PKD1L1: variants seen among roughly 807,000 people sequenced by gnomAD.
The protein encoded by PKD1L1 is polycystin 1 like 1, transient receptor potential channel interacting, also known as polycystin-1-like protein 1.
A neutral mutation model predicts 323.4 loss-of-function variants in PKD1L1; 236 were observed. That is an observed-to-expected ratio of 0.73 (90% confidence interval 0.66 to 0.81). The LOEUF (loss-of-function observed/expected upper bound fraction) is 0.81. PKD1L1 is among the 40% of genes least tolerant of loss of function. The probability of loss-of-function intolerance (pLI) is 0.00; values close to 1 mark genes in which losing one functional copy is unlikely to be tolerated. For synonymous variants in PKD1L1, 1,344 were observed against 1,335.0 expected, an observed-to-expected ratio of 1.01 and a Z score of -0.15; for missense variants, 3,320 against 3,508.0, an observed-to-expected ratio of 0.95 and a Z score of 1.35.
At position 47,813,829 on chromosome 7, in the gene PKD1L1, C is replaced by A. The variant is rs546246062; in HGVS notation, c.7173+102G>T. 4.4e-4 allele frequency: 443 copies of A among 1,000,822 alleles called. 4 individuals carry two copies. The highest frequency in any genetic ancestry group is 4.2e-3 in the South Asian group (302 of 71,260). The allele number at this position is 1,000,822 out of a possible 1,614,324, so 62.0% of individuals were successfully genotyped here. ...TGACAATTCCAATTACCACTGAACT[C>A]ACAGAGAAGTTCAAATGATCTGCCA... On this transcript the variant is annotated intron_variant, in intron 48 of 56. Coordinates refer to ENST00000289672, the MANE Select transcript of PKD1L1 (RefSeq NM_138295.5).
Position 47,873,920 on chromosome 7 carries a change from T to A in PKD1L1, c.3875A>T (p.Asn1292Ile), listed in dbSNP as rs1371723770. The change falls in exon 24 of 57, where the codon AAT becomes ATT. Residue 1292 changes from asparagine to isoleucine, a missense_variant. Transcript: ENST00000289672. ...TCACAGGTCCTCGCCCAGACAGTCA[T>A]TTCCATGGTAGCGGGGCAGCACAGT... ...VVTVLPRYHG[N>I]DCLGEDLYNS... 6.2e-7 allele frequency: 1 copy of A among 1,613,716 alleles called. No homozygotes were observed. Among genetic ancestry groups the A allele is most frequent in the African/African-American group, 1.3e-5 (1 of 74,890 alleles).
the PKD1L1 span, among the ~76,000 whole-genome samples, chr7:47,954,936 C>T: frequency 6.6e-6 from 1 of 152,224 alleles, no homozygotes; most frequent in Non-Finnish European, 1.5e-5. Context: ...TTTGGTGCTA[C>T]AGGCGAATAG....
At chr7:47,789,331 AT>A (rs1238088084) in intron 56 of PKD1L1, among the ~76,000 whole-genome samples, 4 of 152,200 alleles carry the variant, frequency 2.6e-5, no homozygotes, top group Non-Finnish European at 1.5e-5. Flanking sequence ...TCCTTCCAAA[AT>A]TTTATAATTT....
rs2123611 is a variant in PKD1L1 at position 47,858,963 on chromosome 7, C to T, written c.4150-78G>A. The T allele has an allele frequency of 0.54, 819,616 of 1,518,410 alleles. 224,907 individuals are homozygous for T. The highest frequency in any genetic ancestry group is 0.56 in the African/African-American group (41,007 of 72,762). The allele number at this position is 1,518,410 out of a possible 1,614,324, so 94.1% of individuals were successfully genotyped here. On this transcript the variant is annotated intron_variant, in intron 26 of 56. Coordinates refer to ENST00000289672, the MANE Select transcript of PKD1L1 (RefSeq NM_138295.5). The stretch of plus-strand genomic sequence containing the variant: ...CCCGGGTGTATTTGAGGATGAGAAC[C>T]GCACTCATAAAGCTTAGCTGCATGA...
At position 47,847,052 on chromosome 7, in the gene PKD1L1, T is replaced by C; in HGVS notation, c.4980A>G (p.Leu1660=). Residue 1660 remains leucine (L), a synonymous_variant, in exon 32 of 57, where the codon TTA becomes TTG. Coordinates refer to ENST00000289672, the MANE Select transcript of PKD1L1 (RefSeq NM_138295.5). The part of the protein sequence containing the change: ...ASQKDASVGY[L]SLLDADYDRK... The stretch of plus-strand genomic sequence containing the variant: ...TGTCATAGTCAGCATCCAATAAGGA[T>C]AAATAGCCTACACTGGCATCTAAAA... 6.3e-7 allele frequency: 1 copy of C among 1,594,962 alleles called. No homozygotes were observed.
In PKD1L1 at chr7:47,840,472, GGT is replaced by G; in HGVS notation, c.5539_5540del (p.Thr1847LeufsTer58). The part of the protein sequence containing the change: ...KPLFERNSRH[T>X]FILSAPAQLG... ...ATATTTTGGAATACCTCAGGATAAA[GGT>G]GTGTCTGGAATTCCTTTCAAACAGG... On this transcript the variant is annotated frameshift_variant, in exon 35 of 57. Coordinates refer to ENST00000289672, the MANE Select transcript of PKD1L1 (RefSeq NM_138295.5). LOFTEE classifies it high-confidence loss of function. This position sits in a 1 kb window ranked among gnomAD's most constrained non-coding sequence, Gnocchi z 4.1. The G allele has an allele frequency of 5.6e-6, 9 of 1,613,014 alleles. No homozygotes were observed. Among genetic ancestry groups the G allele is most frequent in the Non-Finnish European group, 7.6e-6 (9 of 1,179,028 alleles).
intron 7 of PKD1L1, among the ~76,000 whole-genome samples, chr7:47,919,039 T>C (rs1054006397): frequency 1.3e-5 from 2 of 151,744 alleles, no homozygotes; most frequent in Admixed American, 6.6e-5. Flanking sequence ...CTAAATGAAA[T>C]TGAAACAAAC....
At chr7:47,793,974 G>A (rs1335726599) in intron 55 of PKD1L1, among the ~76,000 whole-genome samples, 1 of 152,320 alleles carries the variant, frequency 6.6e-6, no homozygotes, top group South Asian at 2.1e-4. Context: ...ACTTGAGAGA[G>A]ATGATTTTTA....
At chr7:47,783,786 CAAGAGAATAA>C (rs1786748357) in intron 56 of PKD1L1, among the ~76,000 whole-genome samples, 1 of 152,174 alleles carries the variant, frequency 6.6e-6, no homozygotes, top group Non-Finnish European at 1.5e-5. Flanking sequence ...CTCCAGACTA[CAAGAGAATAA>C]ATTTCTGTTT....
intron 4 of PKD1L1, among the ~76,000 whole-genome samples, chr7:47,932,848 G>A (rs1787798836): frequency 6.6e-6 from 1 of 152,330 alleles, no homozygotes; most frequent in Admixed American, 6.5e-5. Flanking sequence ...TATTTCCAAT[G>A]CCTGCAGCCA....
In PKD1L1 at chr7:47,873,885, A is replaced by G. The variant is rs760832854; in HGVS notation, c.3896+14T>C. Reference sequence around the variant, plus strand: ...ATAATGGCTAGGATGTCTGTGTGGCATTGTGTTACTCACAGGTCCTCGCCC... The same window carrying G: ...ATAATGGCTAGGATGTCTGTGTGGCGTTGTGTTACTCACAGGTCCTCGCCC... On this transcript the variant is annotated intron_variant, in intron 24 of 56. Coordinates refer to ENST00000289672, the MANE Select transcript of PKD1L1 (RefSeq NM_138295.5). The G allele has an allele frequency of 1.3e-6, 2 of 1,591,272 alleles. No individual in the cohort carries two copies. The highest frequency in any genetic ancestry group is 2.2e-5 in the South Asian group (2 of 89,566).
intron 31 of PKD1L1, among the ~76,000 whole-genome samples, chr7:47,848,311 C>T (rs183620196): frequency 8.6e-5 from 13 of 151,728 alleles, no homozygotes; most frequent in South Asian, 6.2e-4. Flanking sequence ...GAATAAACTA[C>T]GGTCCATCTA....
chr7:47,900,377 G>A (rs1266084934), intron 13 of PKD1L1, among the ~76,000 whole-genome samples: 2 of 152,202 alleles, frequency 1.3e-5, no homozygotes, highest in African/African-American at 4.8e-5. Context: ...AATTATTCCT[G>A]TGAAAAGGCC....
At chr7:47,826,874 A>G (rs1335904454) in intron 45 of PKD1L1, among the ~76,000 whole-genome samples, 1 of 152,242 alleles carries the variant, frequency 6.6e-6, no homozygotes, top group East Asian at 1.9e-4. Flanking sequence ...TGAATATTAA[A>G]CTTATTTTTA....
At chr7:47,805,613 C>A (rs1411352222) in intron 52 of PKD1L1, among the ~76,000 whole-genome samples, 2 of 152,230 alleles carry the variant, frequency 1.3e-5, no homozygotes, top group Non-Finnish European at 1.5e-5. Context: ...AACACAGCAA[C>A]AGAGCTGAAT....
intron 50 of PKD1L1, among the ~76,000 whole-genome samples, chr7:47,811,329 A>AT (rs1021730361): frequency 5.9e-5 from 9 of 151,708 alleles, no homozygotes; most frequent in Non-Finnish European, 4.4e-5. Context: ...TAATTTTTGT[A>AT]TTTTTTCAGT....
intron 52 of PKD1L1, among the ~76,000 whole-genome samples, chr7:47,804,305 A>T (rs1784728263): frequency 6.6e-6 from 1 of 152,192 alleles, no homozygotes; most frequent in Non-Finnish European, 1.5e-5. Context: ...AATGCAAGCT[A>T]TGGGTAGAAT....
In PKD1L1 at chr7:47,792,706, T is replaced by A. The variant is rs751793397; in HGVS notation, c.8447A>T (p.Glu2816Val). Residue 2816 changes from glutamate (E) to valine (V), a missense_variant, in exon 56 of 57, where the codon GAA (glutamate) becomes GTA (valine). Physicochemically the swap from Glu to Val is moderately radical, Grantham distance 121. Transcript: ENST00000289672. ...CTCCCCTGTGTTGTTGGATGTTTTT[T>A]CCAGAAGGGGGAGTTGTAGGCTGTC... is the stretch of plus-strand genomic sequence containing the variant. ...LSDSLQLPLL[E>V]KTSNNTGEAR... 10 of 1,614,052 alleles carry A rather than the reference T, an allele frequency of 6.2e-6. No homozygotes were observed. Among genetic ancestry groups the A allele is most frequent in the Non-Finnish European group, 8.5e-6 (10 of 1,180,012 alleles).
At chr7:47,852,737 C>T (rs551830248) in intron 31 of PKD1L1, among the ~76,000 whole-genome samples, 13 of 152,208 alleles carry the variant, frequency 8.5e-5, no homozygotes, top group East Asian at 3.9e-4. Flanking sequence ...GACACAGAGA[C>T]GTCTCAGAAG....
Sources: gnomAD v4.1 joint callset for allele counts (sites outside exome capture counted in the v4.1 genomes callset) on GRCh38, gnomAD v4.1.1 for gene constraint, Gnocchi (gnomAD v3.1) non-coding constraint, MANE v1.5 for transcripts, NCBI Gene and HGNC (gene_info 2026-07-23, HGNC 2026-07-21) for gene names.